The following SHISA7 variants were observed in gnomAD, a reference collection of about 807,000 sequenced individuals.
The protein encoded by SHISA7 is shisa family member 7.
SHISA7 carries 6 observed loss-of-function variants against 23.9 expected under a neutral mutation model. The observed-to-expected ratio is 0.25, with a 90% CI of 0.14 to 0.50. The LOEUF (loss-of-function observed/expected upper bound fraction) is 0.50, where lower values mean the gene tolerates loss of function less well. Among genes scored for constraint, SHISA7 ranks in the 20% least tolerant of loss-of-function variants. SHISA7 has a pLI of 0.98. For synonymous variants in SHISA7, 386 were observed against 398.3 expected (o/e 0.97, Z 0.37); for missense variants, 671 against 801.1 (o/e 0.84, Z 1.96).
chr19:55,434,778 G>C (rs1296813233), intron 3 of SHISA7, among the ~76,000 whole-genome samples: 2 of 131,818 alleles, frequency 1.5e-5, no homozygotes, highest in African/African-American at 5.8e-5. Flanking sequence ...TGTGGTGTGT[G>C]TATGGTGTGT....
intron 1 of SHISA7, among the ~76,000 whole-genome samples, 184 bp downstream of exon 1, chr19:55,442,009 A>G (rs1183758123): frequency 6.6e-6 from 1 of 152,228 alleles, no homozygotes; most frequent in Non-Finnish European, 1.5e-5. Flanking sequence ...TCACTCCGCA[A>G]CAGCCGGGCC....
chr19:55,434,705 GGTGTGGGT>G (rs1326880630), intron 3 of SHISA7, among the ~76,000 whole-genome samples: 131 of 121,924 alleles, frequency 1.1e-3, no homozygotes, highest in African/African-American at 3.9e-3. Flanking sequence ...GCGTGTGTGT[GGTGTGGGT>G]GTGTGGTTGT....
intron 3 of SHISA7, among the ~76,000 whole-genome samples, chr19:55,434,312 G>T (rs1038712030): frequency 9.6e-5 from 9 of 93,918 alleles, no homozygotes; most frequent in Non-Finnish European, 1.5e-4. Flanking sequence ...TGTGTGTGTG[G>T]TGTGTGTGTG....
rs1985614617 is a variant in SHISA7 at position 55,442,238 on chromosome 19, T to C, written c.626A>G (p.Lys209Arg). Residue 209 changes from lysine to arginine, a missense_variant, in exon 1 of 4, where the codon AAG becomes AGG. Lys to Arg is a conservative substitution (Grantham distance 26). This residue lies in a region of SHISA7 where 457 missense variants were observed against 488.3 expected (regional missense o/e 0.94). Coordinates refer to ENST00000376325, the MANE Select transcript of SHISA7 (RefSeq NM_001145176.2). Reference protein sequence around the residue: ...VGVGAKVAFSKASRAPRAHRD... With the variant: ...VGVGAKVAFSRASRAPRAHRD... ...GTGCGCCCGGGGCGCACGGGACGCC[T>C]TGCTGAAGGCCACTTTGGCGCCGAC... 1 of 1,533,860 alleles carries C rather than the reference T, an allele frequency of 6.5e-7. No individual in the cohort carries two copies. Among genetic ancestry groups the C allele is most frequent in the South Asian group, 1.2e-5 (1 of 83,992 alleles).
intron 2 of SHISA7, chr19:55,438,524 G>T (rs1410295899): frequency 1.5e-6 from 2 of 1,302,046 alleles, no homozygotes; most frequent in African/African-American, 3.0e-5. Context: ...AAGGGAAGGA[G>T]GCCTGCTCTT....
intron 3 of SHISA7, among the ~76,000 whole-genome samples, chr19:55,435,080 G>GA (rs1568450883): frequency 2.5e-5 from 2 of 80,788 alleles, no homozygotes; most frequent in South Asian, 5.2e-4. Flanking sequence ...TGGTGTGTGT[G>GA]GTGTGTGTGG....
intron 3 of SHISA7, among the ~76,000 whole-genome samples, chr19:55,435,051 GGT>G (rs145335634): frequency 0.38 from 29,036 of 75,860 alleles, 5,910 homozygotes; most frequent in East Asian, 0.78. Flanking sequence ...GTGTGTGTGT[GGT>G]GTGTGTGTAG....
rs957496723 is a variant in SHISA7, at chr19:55,432,816, C to A, written c.*340G>T. 1 of 267,480 alleles carries A rather than the reference C, an allele frequency of 3.7e-6. No individual in the cohort carries two copies. Among genetic ancestry groups the A allele is most frequent in the Admixed American group, 5.6e-5 (1 of 18,000 alleles). The allele number at this position is 267,480 out of a possible 1,614,324, so 16.6% of individuals were successfully genotyped here. The stretch of plus-strand genomic sequence containing the variant: ...CATAGAACATGGACATGGCCTCCAG[C>A]GCTGACCTCACGGGCCGGCCTCTTC... On this transcript the variant is annotated 3_prime_UTR_variant, in exon 4 of 4. Coordinates refer to ENST00000376325, the MANE Select transcript of SHISA7 (RefSeq NM_001145176.2). The surrounding 1 kb of genome is among the most constrained non-coding windows in gnomAD (Gnocchi z 4.6).
At chr19:55,435,040 GGT>G (rs568974540) in intron 3 of SHISA7, among the ~76,000 whole-genome samples, 663 of 63,130 alleles carry the variant, frequency 0.011, 13 homozygotes, top group African/African-American at 0.025. Context: ...GTGGCTGTGT[GGT>G]GTGTGTGTGG....
At chr19:55,434,435 GGTGTGT>G (rs1278364409) in intron 3 of SHISA7, among the ~76,000 whole-genome samples, 1 of 126,612 alleles carries the variant, frequency 7.9e-6, no homozygotes, top group Non-Finnish European at 1.7e-5. Flanking sequence ...GTGTGTGTGT[GGTGTGT>G]GTGTGTGGGT....
chr19:55,441,085 G>A (rs1023398173), intron 1 of SHISA7, among the ~76,000 whole-genome samples: 3 of 152,064 alleles, frequency 2.0e-5, no homozygotes, highest in African/African-American at 7.2e-5. Flanking sequence ...CTTCCCCATG[G>A]CAACAAAGGG....
intron 2 of SHISA7, among the ~76,000 whole-genome samples, chr19:55,438,911 G>T (rs970918086): frequency 6.6e-6 from 1 of 151,890 alleles, no homozygotes; most frequent in African/African-American, 2.4e-5. Context: ...TGAGGGGGTC[G>T]CCTTGCTACC....
rs1985096207 is a variant in SHISA7 at position 55,428,854 on chromosome 19, A to G, written c.*4302T>C. On this transcript the variant is annotated 3_prime_UTR_variant, in exon 4 of 4. Transcript: ENST00000376325. ...TGTTGGAGAGGGGGTGGAGAGAGGA[A>G]GTGATGAGGAGGGAGGCAGAAGCTG... 6.6e-6 allele frequency: 1 copy of G among 152,168 alleles called. No homozygotes were observed. The highest frequency in any genetic ancestry group is 2.4e-5 in the African/African-American group (1 of 41,400). The allele number at this position is 152,168 out of a possible 1,614,324, so 9.4% of individuals were successfully genotyped here. A position where few individuals can be genotyped will look rare whatever the true frequency, so the allele number is the denominator to read the frequency against.
In SHISA7 at chr19:55,442,515, C is replaced by T; in HGVS notation, c.349G>A (p.Glu117Lys). The T allele has an allele frequency of 6.8e-7, 1 of 1,478,994 alleles. No homozygotes were observed. The allele number at this position is 1,478,994 out of a possible 1,614,324, so 91.6% of individuals were successfully genotyped here. ...CGTCHYRFCC[E>K]HRHMRLAQAS... is the part of the protein sequence containing the mutation. ...TGCGCCAGGCGCATGTGACGGTGCT[C>T]ACAGCAGAAGCGGTAGTGGCAGGTG... Residue 117 changes from glutamate (E) to lysine (K), a missense_variant, in exon 1 of 4, where the codon GAG (glutamate) becomes AAG (lysine). Glu to Lys is a moderately conservative substitution (Grantham distance 56, BLOSUM62 1). This residue lies in a region of SHISA7 where 48 missense variants were observed against 111.0 expected (regional missense o/e 0.43). Coordinates refer to ENST00000376325, the MANE Select transcript of SHISA7 (RefSeq NM_001145176.2).
chr19:55,433,791 T>C lies in SHISA7; in HGVS notation c.982A>G (p.Lys328Glu). 1 of 1,408,510 alleles carries C rather than the reference T, an allele frequency of 7.1e-7. No homozygotes were observed. Among genetic ancestry groups the C allele is most frequent in the Non-Finnish European group, 9.2e-7 (1 of 1,090,490 alleles). The allele number at this position is 1,408,510 out of a possible 1,614,324, so 87.3% of individuals were successfully genotyped here. Reference sequence around the variant, plus strand: ...TTCAGGTAGGCCTCGTCCAGATCCTTCTCGGCTGCGGGGAGAGGGGGAAAA... The same window carrying C: ...TTCAGGTAGGCCTCGTCCAGATCCTCCTCGGCTGCGGGGAGAGGGGGAAAA... ...RYSSLKRLAE[K>E]DLDEAYLKRR... The change falls in exon 4 of 4, where the codon AAG becomes GAG. Residue 328 changes from lysine (K) to glutamate (E), a missense_variant. Coordinates refer to ENST00000376325, the MANE Select transcript of SHISA7 (RefSeq NM_001145176.2). This position sits in a 1 kb window ranked among gnomAD's most constrained non-coding sequence, Gnocchi z 8.4.
In SHISA7 at chr19:55,442,211, C is replaced by G. The variant is rs1230003827; in HGVS notation, c.653G>C (p.Arg218Pro). The G allele has an allele frequency of 6.5e-7, 1 of 1,533,832 alleles. No homozygotes were observed. The highest frequency in any genetic ancestry group is 8.7e-7 in the Non-Finnish European group (1 of 1,145,684). ...SKASRAPRAH[R>P]DINVPRALVD... ...CACGCACCTGGGCACGTTGATATCC[C>G]GGTGCGCCCGGGGCGCACGGGACGC... Residue 218 changes from arginine to proline, a missense_variant, in exon 1 of 4, where the codon CGG (arginine) becomes CCG (proline). Physicochemically the swap from Arg to Pro is moderately radical, Grantham distance 103. Coordinates refer to ENST00000376325, the MANE Select transcript of SHISA7 (RefSeq NM_001145176.2).
chr19:55,437,734 G>A lies in SHISA7; in HGVS notation c.847C>T (p.Pro283Ser), dbSNP rs746021027. The change falls in exon 3 of 4, where the codon CCC becomes TCC. Residue 283 changes from proline to serine, a missense_variant. Physicochemically the swap from Pro to Ser is moderately conservative, Grantham distance 74. Around this residue, in one of 5 missense-constraint regions of SHISA7, gnomAD observed 457 missense variants for 488.3 expected, o/e 0.94. Transcript: ENST00000376325. The part of the protein sequence containing the change: ...PNLDWRALPP[P>S]SPSLHYSTLS... ...GTGGAGTAGTGCAAGGAGGGGCTGG[G>A]CGGCGGCAAGGCTCGCCAGTCTGGG... 1.9e-6 allele frequency: 3 copies of A among 1,550,824 alleles called. No homozygotes were observed. The South Asian group carries it at 3.6e-5, about 18-fold the overall frequency.
rs1261409742 is a variant in SHISA7 at position 55,432,972 on chromosome 19, G to C, written c.*184C>G. On this transcript the variant is annotated 3_prime_UTR_variant, in exon 4 of 4. Coordinates refer to ENST00000376325, the MANE Select transcript of SHISA7 (RefSeq NM_001145176.2). The surrounding 1 kb of genome is among the most constrained non-coding windows in gnomAD (Gnocchi z 4.6). ...ATGACATCATGGGAAGGAGGCCTTG[G>C]CTCAAGCAGTGAAGTAATAGGAGGA... 1 of 732,076 alleles carries C rather than the reference G, an allele frequency of 1.4e-6. No individual in the cohort carries two copies. Among genetic ancestry groups the C allele is most frequent in the Admixed American group, 3.9e-5 (1 of 25,862 alleles). The allele number at this position is 732,076 out of a possible 1,614,324, so 45.3% of individuals were successfully genotyped here. A position where few individuals can be genotyped will look rare whatever the true frequency, so the allele number is the denominator to read the frequency against.
rs899233800 is a variant in SHISA7 at position 55,431,203 on chromosome 19, C to T, written c.*1953G>A. The T allele has an allele frequency of 2.2e-4, 33 of 152,148 alleles. No individual in the cohort carries two copies. The highest frequency in any genetic ancestry group is 7.2e-4 in the African/African-American group (30 of 41,382). 9.4% of individuals were successfully genotyped at this position (152,148 alleles called of 1,614,324 possible). On this transcript the variant is annotated 3_prime_UTR_variant, in exon 4 of 4. Coordinates refer to ENST00000376325, the MANE Select transcript of SHISA7 (RefSeq NM_001145176.2). ...AAGTGGATCCCTGGAGATGATGACA[C>T]CATGCATCCCTGCAAATGATGATGA...
Sources: gnomAD v4.1 joint callset for allele counts (sites outside exome capture counted in the v4.1 genomes callset) on GRCh38, gnomAD v4.1.1 for gene constraint, gnomAD v4.1.1 regional missense constraint, Gnocchi (gnomAD v3.1) non-coding constraint, MANE v1.5 for transcripts, NCBI Gene and HGNC (gene_info 2026-07-23, HGNC 2026-07-21) for gene names.